LOC128462377: variants seen among roughly 807,000 people sequenced by gnomAD.
the LOC128462377 span, among the ~76,000 whole-genome samples, chr16:89,349,841 A>G: frequency 6.6e-6 from 1 of 151,168 alleles, no homozygotes; most frequent in Non-Finnish European, 1.5e-5. Context: ...AAATAAAAAT[A>G]CAGGCCAAAT....
At chr16:89,372,997 G>A in the LOC128462377 span, 1 of 152,238 alleles carries the variant, frequency 6.6e-6, no homozygotes, top group African/African-American at 2.4e-5. Flanking sequence ...GGAAGGCACA[G>A]CACCCACAGT....
the LOC128462377 span, chr16:89,323,077 C>T: frequency 9.7e-6 from 3 of 308,298 alleles, no homozygotes; most frequent in Admixed American, 4.4e-5. Context: ...GGATGCTTTA[C>T]GGCAACCCCT....
the LOC128462377 span, among the ~76,000 whole-genome samples, chr16:89,339,687 G>C: frequency 1.7e-3 from 255 of 152,302 alleles, 5 homozygotes; most frequent in South Asian, 0.018. Context: ...GGATGAAGGA[G>C]AATACAAACA....
the LOC128462377 span, among the ~76,000 whole-genome samples, chr16:89,344,668 A>C: frequency 2.0e-5 from 3 of 152,354 alleles, no homozygotes; most frequent in South Asian, 6.2e-4. Flanking sequence ...GGGCACCCTC[A>C]TGCATGCTGG....
the LOC128462377 span, among the ~76,000 whole-genome samples, chr16:89,413,299 C>G: frequency 6.6e-6 from 1 of 152,098 alleles, no homozygotes; most frequent in Non-Finnish European, 1.5e-5. Flanking sequence ...TATGGTGTTA[C>G]CTGTTTCTAA....
chr16:89,368,830 G>A, the LOC128462377 span, among the ~76,000 whole-genome samples: 1 of 152,148 alleles, frequency 6.6e-6, no homozygotes, highest in Admixed American at 6.5e-5. Flanking sequence ...GAGCCAGGAG[G>A]TTGACGCCAC....
the LOC128462377 span, among the ~76,000 whole-genome samples, chr16:89,330,287 C>T: frequency 6.6e-6 from 1 of 152,082 alleles, no homozygotes; most frequent in Non-Finnish European, 1.5e-5. Flanking sequence ...CAGGAGCATT[C>T]CTGACAGCAC....
the LOC128462377 span, among the ~76,000 whole-genome samples, chr16:89,342,553 T>C: frequency 6.6e-6 from 1 of 152,258 alleles, no homozygotes; most frequent in African/African-American, 2.4e-5. Flanking sequence ...GCACACCACG[T>C]GCCTGAGCAG....
At chr16:89,385,076 A>G in the LOC128462377 span, among the ~76,000 whole-genome samples, 4 of 151,362 alleles carry the variant, frequency 2.6e-5, 1 homozygote, top group Middle Eastern at 6.8e-3. Context: ...AGTAGAGACG[A>G]TATTTCACCA....
the LOC128462377 span, among the ~76,000 whole-genome samples, chr16:89,337,522 C>T: frequency 7.1e-6 from 1 of 141,702 alleles, no homozygotes; most frequent in Non-Finnish European, 1.5e-5. Context: ...CTACAAGCTC[C>T]GCCTCCCGGG....
the LOC128462377 span, among the ~76,000 whole-genome samples, chr16:89,402,952 G>T: frequency 3.9e-5 from 6 of 152,284 alleles, no homozygotes; most frequent in South Asian, 1.2e-3. Context: ...CCTGCCAGTG[G>T]AGACCTCTTT....
At chr16:89,390,846 C>G in the LOC128462377 span, among the ~76,000 whole-genome samples, 7 of 152,326 alleles carry the variant, frequency 4.6e-5, no homozygotes, top group African/African-American at 1.7e-4. Context: ...CCCTCCGCAT[C>G]TGACTGTGCA....
the LOC128462377 span, among the ~76,000 whole-genome samples, chr16:89,329,464 C>T: frequency 9.2e-5 from 14 of 152,290 alleles, no homozygotes; most frequent in East Asian, 2.7e-3. Context: ...ATAGTCTATA[C>T]TTTTAGGTGA....
At chr16:89,387,209 G>T in the LOC128462377 span, among the ~76,000 whole-genome samples, 8 of 151,730 alleles carry the variant, frequency 5.3e-5, no homozygotes, top group African/African-American at 1.9e-4. Flanking sequence ...AAACACACAG[G>T]AAGATCTGGA....
the LOC128462377 span, among the ~76,000 whole-genome samples, chr16:89,394,156 T>C: frequency 3.9e-5 from 6 of 152,248 alleles, no homozygotes; most frequent in East Asian, 3.9e-4. Context: ...GCAAGCACAA[T>C]GTCCTCCTGA....
At chr16:89,395,360 A>G in the LOC128462377 span, among the ~76,000 whole-genome samples, 2 of 152,352 alleles carry the variant, frequency 1.3e-5, no homozygotes, top group African/African-American at 2.4e-5. Context: ...AAGCTGTTAC[A>G]TAAGAGCCCA....
chr16:89,341,872 C>T, the LOC128462377 span, among the ~76,000 whole-genome samples: 102 of 145,816 alleles, frequency 7.0e-4, 1 homozygote, highest in African/African-American at 2.4e-3. Flanking sequence ...ACAGCGGCCA[C>T]GGCCCACGGC....
At chr16:89,378,003 C>T in the LOC128462377 span, among the ~76,000 whole-genome samples, 1 of 152,026 alleles carries the variant, frequency 6.6e-6, no homozygotes, top group African/African-American at 2.4e-5. Context: ...CTTAACAACA[C>T]CTTCTTTTCT....
the LOC128462377 span, among the ~76,000 whole-genome samples, chr16:89,344,151 G>A: frequency 6.6e-6 from 1 of 152,196 alleles, no homozygotes; most frequent in Non-Finnish European, 1.5e-5. Flanking sequence ...GCTCTGGGAG[G>A]AGCACACACG....
Sources: gnomAD v4.1 joint callset for allele counts (sites outside exome capture counted in the v4.1 genomes callset) on GRCh38, gnomAD v4.1.1 for gene constraint, MANE v1.5 for transcripts.